The following GABRG3 variants were observed in gnomAD, a reference collection of about 807,000 sequenced individuals.
GABRG3 encodes gamma-aminobutyric acid type A receptor subunit gamma3, also known as gamma-aminobutyric acid receptor subunit gamma-3.
Under a neutral mutation model 48.8 loss-of-function variants are expected in GABRG3, and 25 were observed. That is an observed-to-expected ratio of 0.51 (90% CI 0.37 to 0.72). The LOEUF (loss-of-function observed/expected upper bound fraction) is 0.72. Among genes scored for constraint, GABRG3 ranks in the 30% least tolerant of loss-of-function variants. GABRG3 has a pLI of 0.00. For missense variants in GABRG3, 394 were observed against 577.9 expected, an observed-to-expected ratio of 0.68 and a Z score of 3.26; for synonymous variants, 227 against 217.6, an observed-to-expected ratio of 1.04 and a Z score of -0.38.
At chr15:27,266,242 G>T (rs1237946636) in intron 3 of GABRG3, among the ~76,000 whole-genome samples, 1 of 151,352 alleles carries the variant, frequency 6.6e-6, no homozygotes, top group Non-Finnish European at 1.5e-5. Flanking sequence ...CATTCATTTT[G>T]AGATAATATT....
intron 3 of GABRG3, among the ~76,000 whole-genome samples, chr15:27,070,935 G>A (rs750361214): frequency 5.3e-5 from 8 of 152,166 alleles, no homozygotes; most frequent in African/African-American, 1.2e-4. Flanking sequence ...AGGTGCAGAC[G>A]GGACTGCGAG....
intron 3 of GABRG3, among the ~76,000 whole-genome samples, chr15:27,088,105 TTGTGTGTG>T (rs59358081): frequency 2.0e-5 from 3 of 147,300 alleles, no homozygotes; most frequent in African/African-American, 7.6e-5. Context: ...TGTGCCGTGG[TTGTGTGTG>T]TGTGTGTGTG....
intron 3 of GABRG3, among the ~76,000 whole-genome samples, chr15:27,258,635 C>T (rs999949670): frequency 6.6e-6 from 1 of 152,134 alleles, no homozygotes; most frequent in African/African-American, 2.4e-5. Flanking sequence ...AATTACTGTA[C>T]ATATTTACAG....
chr15:27,381,301 C>G (rs1386229503), intron 5 of GABRG3, among the ~76,000 whole-genome samples: 2 of 152,186 alleles, frequency 1.3e-5, no homozygotes, highest in Admixed American at 1.3e-4. Context: ...ACAGAATGCT[C>G]TCGGCATATT....
chr15:27,259,268 G>A (rs1890704857), intron 3 of GABRG3, among the ~76,000 whole-genome samples: 1 of 152,120 alleles, frequency 6.6e-6, no homozygotes, highest in Non-Finnish European at 1.5e-5. Flanking sequence ...GCTGGGTCAT[G>A]TGGTGACTAC....
chr15:27,093,653 TAGAA>T (rs563713558), intron 3 of GABRG3, among the ~76,000 whole-genome samples: 81 of 152,284 alleles, frequency 5.3e-4, no homozygotes, highest in African/African-American at 1.8e-3. Flanking sequence ...TTAAAAATTT[TAGAA>T]AGATATCAGG....
At chr15:27,412,127 C>G (rs1215770596) in intron 5 of GABRG3, among the ~76,000 whole-genome samples, 1 of 151,960 alleles carries the variant, frequency 6.6e-6, no homozygotes, top group African/African-American at 2.4e-5. Context: ...TGCAAGTTTC[C>G]TAATTAAACT....
At chr15:27,149,156 G>A (rs1898263841) in intron 3 of GABRG3, among the ~76,000 whole-genome samples, 2 of 151,882 alleles carry the variant, frequency 1.3e-5, no homozygotes, top group Admixed American at 1.3e-4. Context: ...ACAAGTTGTA[G>A]GATACAAAAT....
intron 3 of GABRG3, among the ~76,000 whole-genome samples, chr15:27,112,411 C>A (rs1897567733): frequency 6.6e-6 from 1 of 151,674 alleles, no homozygotes; most frequent in Admixed American, 6.6e-5. Flanking sequence ...TCCCCTTAAC[C>A]CCGTATCTTC....
chr15:26,983,290 C>T (rs1895088856), intron 2 of GABRG3, among the ~76,000 whole-genome samples: 1 of 152,020 alleles, frequency 6.6e-6, no homozygotes, highest in Admixed American at 6.6e-5. Flanking sequence ...GAGAGGCCAG[C>T]TCATTGCTCA....
chr15:27,421,129 G>A (rs1888100792), intron 5 of GABRG3, among the ~76,000 whole-genome samples: 1 of 152,184 alleles, frequency 6.6e-6, no homozygotes, highest in Admixed American at 6.5e-5. Flanking sequence ...CTCCTCGACC[G>A]ATGACACATG....
chr15:27,004,513 A>C (rs930094482), intron 2 of GABRG3, among the ~76,000 whole-genome samples: 1 of 140,440 alleles, frequency 7.1e-6, no homozygotes, highest in African/African-American at 2.7e-5. Context: ...ATGGGCGGTC[A>C]GGCAGAGACA....
At chr15:27,113,153 TA>T (rs1221091712) in intron 3 of GABRG3, among the ~76,000 whole-genome samples, 1 of 152,126 alleles carries the variant, frequency 6.6e-6, no homozygotes, top group African/African-American at 2.4e-5. Flanking sequence ...TGGACTATCT[TA>T]TTTTTTTTCC....
chr15:26,992,678 CTTTT>C (rs961856314), intron 2 of GABRG3, among the ~76,000 whole-genome samples: 1 of 151,556 alleles, frequency 6.6e-6, no homozygotes, highest in Non-Finnish European at 1.5e-5. Context: ...CTGTAGTTTT[CTTTT>C]TTTTGATGTG....
intron 3 of GABRG3, among the ~76,000 whole-genome samples, chr15:27,125,374 G>A (rs78848665): frequency 0.031 from 4,739 of 152,176 alleles, 86 homozygotes; most frequent in East Asian, 0.092. Flanking sequence ...AGGGTGGGGA[G>A]AGGTTTGTTA....
At chr15:27,111,691 G>C (rs1008424518) in intron 3 of GABRG3, among the ~76,000 whole-genome samples, 3 of 152,160 alleles carry the variant, frequency 2.0e-5, no homozygotes, top group African/African-American at 7.2e-5. Flanking sequence ...GTAACCCGCT[G>C]CTATAGTGGA....
intron 5 of GABRG3, among the ~76,000 whole-genome samples, chr15:27,348,155 C>CCAAAAAA (rs1894439022): frequency 9.7e-6 from 1 of 102,990 alleles, no homozygotes; most frequent in Non-Finnish European, 1.8e-5. Flanking sequence ...GACTCCATCT[C>CCAAAAAA]AAATAAATAA....
intron 3 of GABRG3, among the ~76,000 whole-genome samples, chr15:27,308,647 C>A (rs1595665543): frequency 6.7e-6 from 1 of 148,580 alleles, no homozygotes; most frequent in African/African-American, 2.4e-5. Flanking sequence ...TAAACATACG[C>A]TTATGTATAA....
At chr15:27,244,326 C>T (rs1890213900) in intron 3 of GABRG3, among the ~76,000 whole-genome samples, 1 of 152,130 alleles carries the variant, frequency 6.6e-6, no homozygotes. Flanking sequence ...GGGCAGAGGT[C>T]CCAGGAGACT....
Sources: allele counts gnomAD v4.1 joint callset (sites outside exome capture counted in the v4.1 genomes callset), GRCh38; gene constraint gnomAD v4.1.1; transcripts MANE v1.5; gene names NCBI Gene and HGNC (gene_info 2026-07-23, HGNC 2026-07-21).